The following COL23A1 variants were observed in gnomAD, a reference collection of about 807,000 sequenced individuals.
COL23A1 encodes collagen alpha-1(XXIII) chain.
In COL23A1, 97 loss-of-function variants were observed where a neutral mutation model predicts 99.3. The ratio of observed to expected loss-of-function variants is 0.98; its 90% CI spans 0.83 to 1.16. COL23A1 has a LOEUF of 1.16. COL23A1 is among the 50% of genes most tolerant of loss of function. COL23A1 has a pLI of 0.00. For synonymous variants in COL23A1, 320 were observed against 308.2 expected, an observed-to-expected ratio of 1.04 and a Z score of -0.40; for missense variants, 762 against 757.4, an observed-to-expected ratio of 1.01 and a Z score of -0.07.
At chr5:178,530,119 C>T (rs1418239847) in intron 2 of COL23A1, among the ~76,000 whole-genome samples, 1 of 152,180 alleles carries the variant, frequency 6.6e-6, no homozygotes. Flanking sequence ...TACAGATGCA[C>T]AGCGGTTTTA....
rs1766753731 is a variant in COL23A1, at chr5:178,439,653, A to C, written c.361+121029T>G. On this transcript the variant is annotated intron_variant, in intron 2 of 28. Transcript: ENST00000390654. The surrounding 1 kb of genome is among the most constrained non-coding windows in gnomAD (Gnocchi z 4.2). ...CAGAAGTCAGCGAGGCAGTTTCTTA[A>C]AGAGTTAAACATACGTTCACCATGC... is the stretch of plus-strand genomic sequence containing the variant. The C allele has an allele frequency of 6.6e-6, 1 of 152,244 alleles. No individual in the cohort carries two copies. The highest frequency in any genetic ancestry group is 6.5e-5 in the Admixed American group (1 of 15,286). The allele number at this position is 152,244 out of a possible 1,614,324, so 9.4% of individuals were successfully genotyped here. A position where few individuals can be genotyped will look rare whatever the true frequency, so the allele number is the denominator to read the frequency against.
intron 2 of COL23A1, among the ~76,000 whole-genome samples, chr5:178,464,812 A>C (rs1443308325): frequency 1.3e-5 from 2 of 152,230 alleles, no homozygotes; most frequent in Non-Finnish European, 2.9e-5. Flanking sequence ...CCTCAGCCTT[A>C]TAACAATTCC....
intron 17 of COL23A1, among the ~76,000 whole-genome samples, chr5:178,250,504 T>C (rs1223213071): frequency 6.6e-6 from 1 of 152,236 alleles, no homozygotes; most frequent in African/African-American, 2.4e-5. Flanking sequence ...GCCAGACTGG[T>C]GTGCTGTCAC....
At chr5:178,288,446 C>A in intron 4 of COL23A1, 96 bp from the exon 5 acceptor site, 1 of 1,063,068 alleles carries the variant, frequency 9.4e-7, no homozygotes, top group African/African-American at 1.5e-5. Flanking sequence ...ACACCCGCCC[C>A]CCGACAGCTG....
At chr5:178,389,593 C>T (rs1196696478) in intron 2 of COL23A1, among the ~76,000 whole-genome samples, 1 of 152,168 alleles carries the variant, frequency 6.6e-6, no homozygotes, top group African/African-American at 2.4e-5. Flanking sequence ...TGCTGGACTT[C>T]CCTCCACCCC....
intron 2 of COL23A1, among the ~76,000 whole-genome samples, chr5:178,401,627 A>C (rs951384987): frequency 6.6e-6 from 1 of 152,232 alleles, no homozygotes; most frequent in African/African-American, 2.4e-5. Flanking sequence ...ACATTTGCAT[A>C]CAGGTTTTTG....
intron 2 of COL23A1, among the ~76,000 whole-genome samples, chr5:178,541,942 T>C (rs1761313083): frequency 6.6e-6 from 1 of 152,222 alleles, no homozygotes; most frequent in African/African-American, 2.4e-5. Flanking sequence ...TGTGGGGGTC[T>C]GGCCAGGTGC....
intron 2 of COL23A1, among the ~76,000 whole-genome samples, chr5:178,467,797 G>A (rs1431361211): frequency 6.6e-6 from 1 of 152,192 alleles, no homozygotes; most frequent in Admixed American, 6.5e-5. Flanking sequence ...AGTTCCACTT[G>A]CCAAAAATAG....
At chr5:178,241,890 C>A in intron 27 of COL23A1, 152 bp downstream of exon 27, 1 of 629,692 alleles carries the variant, frequency 1.6e-6, no homozygotes, top group South Asian at 1.9e-5. Context: ...ATGGCAGTAG[C>A]AGCAGCAGTG....
intron 2 of COL23A1, chr5:178,352,139 C>T (rs1329387014): frequency 6.6e-6 from 1 of 152,240 alleles, no homozygotes; most frequent in Admixed American, 6.5e-5. Flanking sequence ...ACTCAGCTCT[C>T]GGGCGGCCCT....
At chr5:178,402,968 C>G (rs1764531822) in intron 2 of COL23A1, among the ~76,000 whole-genome samples, 2 of 151,244 alleles carry the variant, frequency 1.3e-5, no homozygotes, top group South Asian at 4.2e-4. Flanking sequence ...ATTAGCCAGG[C>G]GTGGCAGTGT....
intron 2 of COL23A1, among the ~76,000 whole-genome samples, chr5:178,531,874 T>C (rs1760671128): frequency 6.6e-6 from 1 of 152,198 alleles, no homozygotes; most frequent in Non-Finnish European, 1.5e-5. Flanking sequence ...CAGTGCAGCA[T>C]GAGAGGAGCC....
intron 2 of COL23A1, among the ~76,000 whole-genome samples, chr5:178,528,536 G>A (rs1240803813): frequency 2.0e-5 from 3 of 152,160 alleles, no homozygotes; most frequent in South Asian, 4.1e-4. Context: ...AGTCAAGGCC[G>A]GGCGCAGTGG....
chr5:178,286,079 GC>G (rs1434997823), intron 5 of COL23A1, among the ~76,000 whole-genome samples: 1 of 152,184 alleles, frequency 6.6e-6, no homozygotes, highest in African/African-American at 2.4e-5. Context: ...CAGGGAAGAC[GC>G]CTACCTCCGT....
chr5:178,251,913 T>C lies in COL23A1; in HGVS notation c.1014+631A>G, dbSNP rs1176439314. On this transcript the variant is annotated intron_variant, in intron 17 of 28. Transcript: ENST00000390654. ...CTCTCTCTTTCATTTTCTTTTCTTT[T>C]TTTTTTTTTTTTATTTTGAGACAGA... Among the ~76,000 whole-genome samples, 12 of 135,098 alleles carry C rather than the reference T, an allele frequency of 8.9e-5. 1 individual carries two copies. In the South Asian group the frequency reaches 3.3e-3, roughly 37 times the overall value. 88.6% of individuals were successfully genotyped at this position (135,098 alleles called of 152,430 possible). A position where few individuals can be genotyped will look rare whatever the true frequency, so the allele number is the denominator to read the frequency against.
intron 2 of COL23A1, among the ~76,000 whole-genome samples, chr5:178,444,562 A>C (rs1164813944): frequency 6.6e-6 from 1 of 152,200 alleles, no homozygotes; most frequent in Non-Finnish European, 1.5e-5. Context: ...TGGGAGGCCA[A>C]GGCAGGCAGA....
At chr5:178,393,943 C>A (rs1269729511) in intron 2 of COL23A1, among the ~76,000 whole-genome samples, 1 of 152,174 alleles carries the variant, frequency 6.6e-6, no homozygotes, top group African/African-American at 2.4e-5. Context: ...CTCTTTTCAA[C>A]TGATTTTCCA....
intron 2 of COL23A1, among the ~76,000 whole-genome samples, chr5:178,430,441 C>T (rs1397452171): frequency 2.0e-5 from 3 of 152,256 alleles, no homozygotes; most frequent in African/African-American, 4.8e-5. Context: ...CACAATGGGA[C>T]GTGGGAAGAC....
rs148399127 is a variant in COL23A1 at position 178,586,933 on chromosome 5, C to T, written c.294+2971G>A. Among the ~76,000 whole-genome samples the T allele has an allele frequency of 5.4e-3, 820 of 152,308 alleles. 6 individuals are homozygous for T. Among genetic ancestry groups the T allele is most frequent in the African/African-American group, 0.018 (748 of 41,558 alleles). On this transcript the variant is annotated intron_variant, in intron 1 of 28. Transcript: ENST00000390654. ...GAAAATGCGTAAACTTTACTCGAGTCTCTGGGCTTTTCTTGTTTTCAAACT... is the reference window on the plus strand; with the variant it reads ...GAAAATGCGTAAACTTTACTCGAGTTTCTGGGCTTTTCTTGTTTTCAAACT...
Sources: gnomAD v4.1 joint callset for allele counts (sites outside exome capture counted in the v4.1 genomes callset) on GRCh38, gnomAD v4.1.1 for gene constraint, Gnocchi (gnomAD v3.1) non-coding constraint, MANE v1.5 for transcripts, NCBI Gene and HGNC (gene_info 2026-07-23, HGNC 2026-07-21) for gene names.